The following BFSP2 variants were observed in gnomAD, a reference collection of about 807,000 sequenced individuals.
BFSP2 encodes the protein beaded filament structural protein 2.
Under a neutral mutation model 44.9 loss-of-function variants are expected in BFSP2, and 38 were observed. The ratio of observed to expected loss-of-function variants is 0.85; its 90% CI spans 0.65 to 1.11. The LOEUF (loss-of-function observed/expected upper bound fraction) is 1.11. Ranked by LOEUF, BFSP2 falls within the 50% of genes least tolerant of loss-of-function variation. BFSP2 has a pLI of 0.00. For synonymous variants in BFSP2, 197 were observed against 209.9 expected (o/e 0.94, Z 0.53); for missense variants, 525 against 533.0 (o/e 0.99, Z 0.15).
Position 133,402,511 on chromosome 3 carries a change from TG to T in BFSP2, c.489+1942del, listed in dbSNP as rs147034248. On this transcript the variant is annotated intron_variant, in intron 1 of 6. Transcript: ENST00000302334. ...TGTAGTTGAGGGTCAGGATCCCACA[TG>T]GGCTCACTTTCCTCTTAAGTGACTA... Among the ~76,000 whole-genome samples, 875 of 152,258 alleles carry T rather than the reference TG, an allele frequency of 5.7e-3. 14 individuals carry two copies. Among genetic ancestry groups the T allele is most frequent in the African/African-American group, 0.02 (838 of 41,548 alleles).
chr3:133,410,431 G>A (rs1274802224), intron 1 of BFSP2: 5 of 273,520 alleles, frequency 1.8e-5, no homozygotes, highest in Non-Finnish European at 3.6e-5. Flanking sequence ...TCCAAGCCGC[G>A]CTCTTCCAGC....
intron 1 of BFSP2, among the ~76,000 whole-genome samples, chr3:133,422,063 C>A (rs188260978): frequency 6.9e-6 from 1 of 145,570 alleles, no homozygotes; most frequent in Non-Finnish European, 1.5e-5. Flanking sequence ...GCCAAGATAG[C>A]GCCACTGCAC....
intron 1 of BFSP2, chr3:133,412,383 T>C (rs1042540777): frequency 6.6e-6 from 1 of 152,200 alleles, no homozygotes; most frequent in Admixed American, 6.5e-5. Context: ...GTTTGTGGAA[T>C]TGAATAAACT....
At chr3:133,412,289 T>C (rs1488096096) in intron 1 of BFSP2, 2 of 152,238 alleles carry the variant, frequency 1.3e-5, no homozygotes, top group Non-Finnish European at 2.9e-5. Context: ...AAAATGCAGC[T>C]AGAAGACCTA....
At chr3:133,430,854 C>T (rs1310853097) in intron 1 of BFSP2, among the ~76,000 whole-genome samples, 1 of 152,136 alleles carries the variant, frequency 6.6e-6, no homozygotes, top group East Asian at 1.9e-4. Flanking sequence ...AGCCTCCGCT[C>T]CTCCACCCTG....
intron 1 of BFSP2, chr3:133,410,270 C>T (rs1197167146): frequency 5.3e-6 from 2 of 373,898 alleles, no homozygotes; most frequent in South Asian, 2.1e-5. Context: ...CAGAAACAGT[C>T]CTCAGGCTTA....
At chr3:133,426,553 G>A (rs948686134) in intron 1 of BFSP2, among the ~76,000 whole-genome samples, 4 of 152,192 alleles carry the variant, frequency 2.6e-5, no homozygotes, top group Non-Finnish European at 5.9e-5. Flanking sequence ...CAAATCCCAC[G>A]ATATTCCCAT....
chr3:133,468,329 T>C (rs1305094948), intron 5 of BFSP2, among the ~76,000 whole-genome samples: 1 of 152,144 alleles, frequency 6.6e-6, no homozygotes, highest in African/African-American at 2.4e-5. Context: ...CAGCTTTCAT[T>C]TTCTCACTTG....
intron 1 of BFSP2, among the ~76,000 whole-genome samples, chr3:133,425,422 C>T (rs901592393): frequency 2.0e-5 from 3 of 152,172 alleles, no homozygotes; most frequent in African/African-American, 7.2e-5. Context: ...TTTGATAGGG[C>T]CCTCTCCCAA....
At chr3:133,443,008 C>T (rs1168246427) in intron 1 of BFSP2, among the ~76,000 whole-genome samples, 1 of 152,066 alleles carries the variant, frequency 6.6e-6, no homozygotes, top group Non-Finnish European at 1.5e-5. Context: ...CAGGTGCGTG[C>T]AACCACGCCC....
chr3:133,400,721 G>C lies in BFSP2; in HGVS notation c.489+149G>C. ...TTAAAATGGTAATGATAACAACAAT[G>C]CTACCTTTTACCGAGGTTTACTAGG... On this transcript the variant is annotated intron_variant, in intron 1 of 6. Coordinates refer to ENST00000302334, the MANE Select transcript of BFSP2 (RefSeq NM_003571.4). The surrounding 1 kb of genome is among the most constrained non-coding windows in gnomAD (Gnocchi z 4.0). The C allele has an allele frequency of 7.5e-7, 1 of 1,334,620 alleles. No homozygotes were observed. The highest frequency in any genetic ancestry group is 1.5e-5 in the African/African-American group (1 of 68,392). 82.7% of individuals were successfully genotyped at this position (1,334,620 alleles called of 1,614,324 possible).
At position 133,409,964 on chromosome 3, in the gene BFSP2, A is replaced by G. The variant is rs571315994; in HGVS notation, c.489+9392A>G. ...AGTCAAGATAAGCAACATGAACCAT[A>G]AAGCCCGGACCGTGGCGGGTATGAA... is the stretch of plus-strand genomic sequence containing the variant. On this transcript the variant is annotated intron_variant, in intron 1 of 6. Coordinates refer to ENST00000302334, the MANE Select transcript of BFSP2 (RefSeq NM_003571.4). 2.3e-4 allele frequency: 37 copies of G among 163,792 alleles called. No individual in the cohort carries two copies. In the South Asian group the frequency reaches 6.1e-3, roughly 27 times the overall value. 10.1% of individuals were successfully genotyped at this position (163,792 alleles called of 1,614,324 possible).
chr3:133,465,285 G>A (rs1373097477), intron 4 of BFSP2, among the ~76,000 whole-genome samples: 1 of 151,930 alleles, frequency 6.6e-6, no homozygotes, highest in Admixed American at 6.6e-5. Flanking sequence ...GGGATTACAG[G>A]CATGAGCCAC....
intron 1 of BFSP2, among the ~76,000 whole-genome samples, chr3:133,446,573 TATATATATATATATATATA>T (rs2073899931): frequency 0.018 from 520 of 28,526 alleles, 125 homozygotes; most frequent in South Asian, 0.053. Context: ...TCACCATTTA[TATATATATATATATATATA>T]TATATATATA....
At chr3:133,448,685 A>C (rs1217230590) in intron 3 of BFSP2, 40 bp downstream of exon 3, 2 of 1,607,412 alleles carry the variant, frequency 1.2e-6, no homozygotes, top group Non-Finnish European at 1.7e-6. Context: ...CCACAAGACC[A>C]GAAGTTCACA....
At chr3:133,429,903 CACT>C (rs1426984454) in intron 1 of BFSP2, among the ~76,000 whole-genome samples, 1 of 151,448 alleles carries the variant, frequency 6.6e-6, no homozygotes, top group Admixed American at 6.6e-5. Flanking sequence ...TATCCCTCCC[CACT>C]ACCCCCACCC....
chr3:133,450,442 C>A lies in BFSP2; in HGVS notation c.869C>A (p.Ala290Glu). ...ERDVEKNRVE[A>E]GALLQAKQQA... ...GATGTTGAAAAGAACCGGGTGGAGG[C>A]AGGAGCCCTGCTCCAAGCTAAGGTG... is the stretch of plus-strand genomic sequence containing the variant. The change falls in exon 4 of 7, where the codon GCA (alanine) becomes GAA (glutamate). Residue 290 changes from alanine to glutamate, a missense_variant. Transcript: ENST00000302334. 1 of 1,614,064 alleles carries A rather than the reference C, an allele frequency of 6.2e-7. No individual in the cohort carries two copies. Among genetic ancestry groups the A allele is most frequent in the Non-Finnish European group, 8.5e-7 (1 of 1,179,994 alleles).
At chr3:133,404,498 T>A (rs1180592355) in intron 1 of BFSP2, among the ~76,000 whole-genome samples, 2 of 152,070 alleles carry the variant, frequency 1.3e-5, no homozygotes, top group Non-Finnish European at 2.9e-5. Flanking sequence ...CAGGACATGG[T>A]ACATCGGTCC....
At chr3:133,424,880 T>C (rs13096997) in intron 1 of BFSP2, among the ~76,000 whole-genome samples, 80,874 of 152,012 alleles carry the variant, frequency 0.53, 24,153 homozygotes, top group East Asian at 0.75. Flanking sequence ...GGTGATCCGC[T>C]AGGCTCAGCC....
Sources: allele counts gnomAD v4.1 joint callset (sites outside exome capture counted in the v4.1 genomes callset), GRCh38; gene constraint gnomAD v4.1.1; non-coding constraint Gnocchi (gnomAD v3.1); transcripts MANE v1.5; gene names NCBI Gene and HGNC (gene_info 2026-07-23, HGNC 2026-07-21).